CADM2: variants seen among roughly 807,000 people sequenced by gnomAD.
CADM2 encodes the protein immunoglobulin superfamily member 4D.
CADM2 carries 12 observed loss-of-function variants against 49.8 expected under a neutral mutation model. The observed-to-expected ratio is 0.24, with a 90% CI of 0.15 to 0.39. The LOEUF is 0.39. Ranked by LOEUF, CADM2 falls within the 10% of genes least tolerant of loss-of-function variation. The pLI is 1.00. For missense variants in CADM2, 378 were observed against 492.3 expected (o/e 0.77, Z 2.20); for synonymous variants, 214 against 175.4 (o/e 1.22, Z -1.74).
chr3:85,563,411 T>TTGG (rs1553742867), intron 1 of CADM2, among the ~76,000 whole-genome samples: 1 of 142,044 alleles, frequency 7.0e-6, no homozygotes, highest in African/African-American at 2.5e-5. Flanking sequence ...TGTGTGTGTG[T>TTGG]GGGGGGGTGG....
chr3:85,940,614 A>G (rs1218521371), intron 7 of CADM2, among the ~76,000 whole-genome samples: 1 of 152,130 alleles, frequency 6.6e-6, no homozygotes, highest in East Asian at 1.9e-4. Context: ...TTATTACAGA[A>G]TATTTACCGC....
At chr3:85,504,953 C>T (rs1318092198) in intron 1 of CADM2, among the ~76,000 whole-genome samples, 2 of 152,090 alleles carry the variant, frequency 1.3e-5, no homozygotes, top group Non-Finnish European at 2.9e-5. Flanking sequence ...GCCGGCAGGG[C>T]CGGCCGGCTG....
At chr3:85,823,571 T>G (rs1224327633) in intron 3 of CADM2, among the ~76,000 whole-genome samples, 1 of 152,194 alleles carries the variant, frequency 6.6e-6, no homozygotes, top group Non-Finnish European at 1.5e-5. Flanking sequence ...AGCACTGTTA[T>G]GTGGAAAGTA....
chr3:86,052,830 C>T (rs1270962065), intron 8 of CADM2, among the ~76,000 whole-genome samples: 1 of 152,054 alleles, frequency 6.6e-6, no homozygotes, highest in Non-Finnish European at 1.5e-5. Context: ...GTAATTTAAG[C>T]ATAGTATGTT....
intron 1 of CADM2, among the ~76,000 whole-genome samples, chr3:85,324,961 T>G (rs73130770): frequency 6.6e-6 from 1 of 152,210 alleles, no homozygotes; most frequent in Non-Finnish European, 1.5e-5. Flanking sequence ...CCTTGCCCTC[T>G]GCAGCTGGTT....
intron 1 of CADM2, among the ~76,000 whole-genome samples, chr3:85,429,551 G>A (rs990023482): frequency 3.3e-5 from 5 of 151,926 alleles, no homozygotes; most frequent in African/African-American, 7.3e-5. Flanking sequence ...AAATGAAATG[G>A]TTGGTTATAT....
intron 1 of CADM2, among the ~76,000 whole-genome samples, chr3:85,073,967 T>C (rs1216323885): frequency 6.6e-6 from 1 of 152,164 alleles, no homozygotes; most frequent in Non-Finnish European, 1.5e-5. Context: ...ATTATTATTA[T>C]GACAAAAGTG....
At chr3:85,678,358 G>A (rs953328511) in intron 1 of CADM2, among the ~76,000 whole-genome samples, 10 of 152,122 alleles carry the variant, frequency 6.6e-5, no homozygotes, top group African/African-American at 1.9e-4. Flanking sequence ...GTCTAAGATG[G>A]TTGGCTAGTC....
intron 1 of CADM2, among the ~76,000 whole-genome samples, chr3:84,977,422 G>A (rs547893258): frequency 6.6e-5 from 10 of 152,068 alleles, no homozygotes; most frequent in Admixed American, 2.6e-4. Context: ...GAAATAAAAC[G>A]ATAATCTTTG....
At chr3:85,918,287 G>C (rs1024736302) in intron 6 of CADM2, among the ~76,000 whole-genome samples, 7 of 152,032 alleles carry the variant, frequency 4.6e-5, no homozygotes, top group Non-Finnish European at 4.4e-5. Flanking sequence ...ATTGGCTGTG[G>C]GTTTGTCATA....
At chr3:85,295,702 A>ACACCGCATGTTCT (rs2043942131) in intron 1 of CADM2, among the ~76,000 whole-genome samples, 1 of 150,912 alleles carries the variant, frequency 6.6e-6, no homozygotes, top group Non-Finnish European at 1.5e-5. Flanking sequence ...AAAAAACCAA[A>ACACCGCATGTTCT]CACTCACAGG....
intron 1 of CADM2, among the ~76,000 whole-genome samples, chr3:85,151,659 T>A (rs1412897977): frequency 6.6e-6 from 1 of 152,170 alleles, no homozygotes; most frequent in Non-Finnish European, 1.5e-5. Flanking sequence ...CTTTAATCAG[T>A]TCAAGGTGTT....
At chr3:85,922,061 T>C (rs1011322853) in intron 6 of CADM2, among the ~76,000 whole-genome samples, 3 of 152,122 alleles carry the variant, frequency 2.0e-5, no homozygotes, top group Non-Finnish European at 2.9e-5. Context: ...CCTCAGATGA[T>C]TCTGCTGCTG....
intron 1 of CADM2, among the ~76,000 whole-genome samples, chr3:84,990,174 A>T (rs2032800733): frequency 6.6e-6 from 1 of 151,682 alleles, no homozygotes; most frequent in South Asian, 2.1e-4. Flanking sequence ...CATGTAAATG[A>T]GTGCCTGTAT....
At chr3:85,663,844 T>A (rs1406428263) in intron 1 of CADM2, among the ~76,000 whole-genome samples, 1 of 152,048 alleles carries the variant, frequency 6.6e-6, no homozygotes, top group Non-Finnish European at 1.5e-5. Context: ...TTATGCTATC[T>A]GTACTTGTCT....
chr3:85,485,534 G>A (rs540703472), intron 1 of CADM2, among the ~76,000 whole-genome samples: 3 of 152,034 alleles, frequency 2.0e-5, no homozygotes, highest in East Asian at 1.9e-4. Context: ...TCCTGCATGC[G>A]CAGTCTGCCA....
intron 1 of CADM2, among the ~76,000 whole-genome samples, chr3:85,089,734 C>T (rs1308047377): frequency 6.6e-6 from 1 of 151,952 alleles, no homozygotes; most frequent in East Asian, 1.9e-4. Context: ...GAAAAACAAG[C>T]TTTGAGTTTG....
intron 2 of CADM2, among the ~76,000 whole-genome samples, chr3:85,760,064 AT>A (rs1185409135): frequency 6.6e-6 from 1 of 152,084 alleles, no homozygotes; most frequent in Admixed American, 6.6e-5. Flanking sequence ...ACCTTTTGTG[AT>A]CTCTACTTGA....
intron 1 of CADM2, among the ~76,000 whole-genome samples, chr3:85,177,603 C>T (rs933757455): frequency 7.9e-5 from 12 of 151,136 alleles, no homozygotes; most frequent in Non-Finnish European, 1.6e-4. Flanking sequence ...CTGCAGAAAA[C>T]CCAAAAATGT....
Sources: allele counts gnomAD v4.1 joint callset (sites outside exome capture counted in the v4.1 genomes callset), GRCh38; gene constraint gnomAD v4.1.1; transcripts MANE v1.5; gene names NCBI Gene and HGNC (gene_info 2026-07-23, HGNC 2026-07-21).